PIK3C3: variants seen among roughly 807,000 people sequenced by gnomAD.
PIK3C3 encodes phosphatidylinositol 3-kinase catalytic subunit type 3, also known as PI3-kinase type 3.
A neutral mutation model predicts 126.1 loss-of-function variants in PIK3C3; 95 were observed. That is an observed-to-expected ratio of 0.75 (90% CI 0.64 to 0.89). PIK3C3 has a LOEUF of 0.89. PIK3C3 is among the 40% of genes least tolerant of loss of function. The pLI is 0.00. For missense variants in PIK3C3, 829 were observed against 1,063.2 expected (o/e 0.78, Z 3.06); for synonymous variants, 374 against 360.0 (o/e 1.04, Z -0.44).
intron 24 of PIK3C3, among the ~76,000 whole-genome samples, chr18:42,074,635 C>T (rs942946023): frequency 2.0e-5 from 3 of 152,036 alleles, no homozygotes; most frequent in African/African-American, 7.2e-5. Context: ...ATTACTAGTA[C>T]TCGTATGTTA....
intron 9 of PIK3C3, among the ~76,000 whole-genome samples, chr18:42,000,034 G>A (rs996022098): frequency 1.3e-5 from 2 of 152,106 alleles, no homozygotes; most frequent in African/African-American, 4.8e-5. Context: ...GAAAATGTGT[G>A]TTAACAAGTG....
chr18:42,036,922 A>G (rs561943158), intron 16 of PIK3C3, among the ~76,000 whole-genome samples: 1 of 152,318 alleles, frequency 6.6e-6, no homozygotes, highest in East Asian at 1.9e-4. Flanking sequence ...ACTTTATGTC[A>G]TGCATTACAG....
chr18:41,994,642 T>C (rs1359503093), intron 7 of PIK3C3, among the ~76,000 whole-genome samples: 9 of 152,244 alleles, frequency 5.9e-5, no homozygotes, highest in African/African-American at 1.4e-4. Flanking sequence ...GTCATAATAC[T>C]GAGGAATGGA....
chr18:42,008,535 A>C (rs1478547665), intron 10 of PIK3C3, among the ~76,000 whole-genome samples: 1 of 152,138 alleles, frequency 6.6e-6, no homozygotes, highest in Non-Finnish European at 1.5e-5. Context: ...GGAAGTCACT[A>C]AGTGATTTTG....
At chr18:42,042,069 T>C (rs573739025) in intron 19 of PIK3C3, among the ~76,000 whole-genome samples, 2 of 152,302 alleles carry the variant, frequency 1.3e-5, no homozygotes, top group South Asian at 2.1e-4. Flanking sequence ...TTTGTTCAAA[T>C]AATATGCTTT....
chr18:42,054,130 A>ATC (rs56211042), intron 21 of PIK3C3, among the ~76,000 whole-genome samples: 1,542 of 8,886 alleles, frequency 0.17, 140 homozygotes, highest in African/African-American at 0.28. Context: ...CTAATGGTAT[A>ATC]TATATATATA....
chr18:42,026,511 G>C (rs1983577370), intron 13 of PIK3C3: 1 of 152,014 alleles, frequency 6.6e-6, no homozygotes. Context: ...CCAAGCTGGA[G>C]TGCAATGGTA....
At chr18:42,026,755 G>T (rs568421549) in intron 13 of PIK3C3, 9 of 152,214 alleles carry the variant, frequency 5.9e-5, no homozygotes, top group African/African-American at 2.2e-4. Flanking sequence ...GCTTTGGTTT[G>T]TTCCCAGTGG....
At chr18:42,047,512 T>C (rs947217015) in intron 20 of PIK3C3, among the ~76,000 whole-genome samples, 25 of 152,178 alleles carry the variant, frequency 1.6e-4, no homozygotes, top group Admixed American at 1.2e-3. Flanking sequence ...TGTGGCAGTT[T>C]TAGAGCAGTG....
At chr18:41,969,396 C>T (rs982988359) in intron 3 of PIK3C3, among the ~76,000 whole-genome samples, 1 of 152,144 alleles carries the variant, frequency 6.6e-6, no homozygotes, top group Admixed American at 6.6e-5. Flanking sequence ...AACATGGGAA[C>T]TTGGCAGCAG....
At chr18:42,079,019 G>A (rs488202) in intron 24 of PIK3C3, among the ~76,000 whole-genome samples, 3,872 of 152,242 alleles carry the variant, frequency 0.025, 166 homozygotes, top group African/African-American at 0.088. Context: ...CTCATCATTC[G>A]TGTATTCACT....
Position 42,086,490 on chromosome 18 carries a change from G to A in PIK3C3, c.*5353G>A, listed in dbSNP as rs1287085689. 1 of 152,224 alleles carries A rather than the reference G, an allele frequency of 6.6e-6. No individual in the cohort carries two copies. The highest frequency in any genetic ancestry group is 2.4e-5 in the African/African-American group (1 of 41,440). 9.4% of individuals were successfully genotyped at this position (152,224 alleles called of 1,614,324 possible). ...TTCTTAGTCACAGGATGAGATAGGA[G>A]ATTGGCTCAAGATAAGGTCACAAAG... On this transcript the variant is annotated 3_prime_UTR_variant, in exon 25 of 25. Transcript: ENST00000262039.
chr18:42,069,230 A>G (rs1165067638), intron 24 of PIK3C3, among the ~76,000 whole-genome samples: 2 of 152,184 alleles, frequency 1.3e-5, no homozygotes, highest in East Asian at 3.9e-4. Flanking sequence ...ATTAATTGTA[A>G]CCAATCATTT....
intron 4 of PIK3C3, among the ~76,000 whole-genome samples, chr18:41,987,610 C>A (rs190402068): frequency 6.6e-6 from 1 of 151,984 alleles, no homozygotes; most frequent in East Asian, 1.9e-4. Flanking sequence ...AATTATGGAC[C>A]TTTTTAAAAA....
At chr18:42,009,720 GTA>G (rs1982726761) in intron 10 of PIK3C3, among the ~76,000 whole-genome samples, 3 of 99,132 alleles carry the variant, frequency 3.0e-5, no homozygotes, top group African/African-American at 9.7e-5. Flanking sequence ...ATTATGTAAT[GTA>G]CATTATGTAA....
At chr18:42,011,990 C>A (rs1026698209) in intron 10 of PIK3C3, among the ~76,000 whole-genome samples, 18 of 151,984 alleles carry the variant, frequency 1.2e-4, no homozygotes, top group African/African-American at 4.4e-4. Flanking sequence ...CTTTGTGGCA[C>A]CCCTGGTTAC....
At chr18:42,071,212 C>G (rs1372232006) in intron 24 of PIK3C3, among the ~76,000 whole-genome samples, 2 of 152,178 alleles carry the variant, frequency 1.3e-5, no homozygotes, top group African/African-American at 4.8e-5. Context: ...AGGTTTATTG[C>G]AGCATGAATA....
chr18:42,022,430 C>T (rs1983370442), intron 13 of PIK3C3, among the ~76,000 whole-genome samples: 1 of 152,100 alleles, frequency 6.6e-6, no homozygotes, highest in African/African-American at 2.4e-5. Context: ...GTGATGGTTT[C>T]CAGCTTCATC....
intron 24 of PIK3C3, among the ~76,000 whole-genome samples, chr18:42,080,104 T>A (rs1986196166): frequency 6.6e-6 from 1 of 152,076 alleles, no homozygotes; most frequent in African/African-American, 2.4e-5. Flanking sequence ...CTGAGACACT[T>A]CCTGGCACAT....
Sources: allele counts gnomAD v4.1 joint callset (sites outside exome capture counted in the v4.1 genomes callset), GRCh38; gene constraint gnomAD v4.1.1; transcripts MANE v1.5; gene names NCBI Gene and HGNC (gene_info 2026-07-23, HGNC 2026-07-21).